Variants in SEC23IP observed in about 807,000 individuals in gnomAD.
SEC23IP encodes SEC23-interacting protein.
In SEC23IP, 70 loss-of-function variants were observed where a neutral mutation model predicts 113.4. The observed-to-expected ratio is 0.62, with a 90% CI of 0.51 to 0.75. The LOEUF is 0.75. Among genes scored for constraint, SEC23IP ranks in the 30% least tolerant of loss-of-function variants. SEC23IP has a pLI of 0.00. For missense variants in SEC23IP, 1,160 were observed against 1,204.9 expected (o/e 0.96, Z 0.55); for synonymous variants, 398 against 421.0 (o/e 0.95, Z 0.67).
In SEC23IP at chr10:119,942,465, C is replaced by T. The variant is rs1212249360; in HGVS notation, c.*1900C>T. The T allele has an allele frequency of 6.6e-6, 1 of 152,068 alleles. No homozygotes were observed. Among genetic ancestry groups the T allele is most frequent in the African/African-American group, 2.4e-5 (1 of 41,380 alleles). 9.4% of individuals were successfully genotyped at this position (152,068 alleles called of 1,614,324 possible). A position where few individuals can be genotyped will look rare whatever the true frequency, so the allele number is the denominator to read the frequency against. On this transcript the variant is annotated 3_prime_UTR_variant, in exon 19 of 19. Coordinates refer to ENST00000369075, the MANE Select transcript of SEC23IP (RefSeq NM_007190.4). ...ACATATTGTTCACTGTTGTAACCACCTTGCAGGATTTCAGTCTATAAACTA... is the reference window on the plus strand; with the variant it reads ...ACATATTGTTCACTGTTGTAACCACTTTGCAGGATTTCAGTCTATAAACTA...
chr10:119,893,096 G>A, intron 1 of SEC23IP, 151 bp downstream of exon 1: 1 of 813,618 alleles, frequency 1.2e-6, no homozygotes, highest in Non-Finnish European at 1.9e-6. Context: ...TGGGTCGGGG[G>A]CTTTGGGATC....
Position 119,938,699 on chromosome 10 carries a change from A to G in SEC23IP, c.*21-1887A>G, listed in dbSNP as rs574631709. Among the ~76,000 whole-genome samples, 301 of 152,316 alleles carry G rather than the reference A, an allele frequency of 2.0e-3. 2 individuals are homozygous for G. Among genetic ancestry groups the G allele is most frequent in the Non-Finnish European group, 3.7e-3 (251 of 68,028 alleles). On this transcript the variant is annotated intron_variant, in intron 18 of 18. Transcript: ENST00000369075. Reference sequence around the variant, plus strand: ...AAGTTCCCCTGACGCTCTCTCCCCTAACAAAACAAAGCAAGACAAACAAAA... The same window carrying G: ...AAGTTCCCCTGACGCTCTCTCCCCTGACAAAACAAAGCAAGACAAACAAAA...
chr10:119,904,916 T>C (rs1854612867), intron 4 of SEC23IP, among the ~76,000 whole-genome samples: 1 of 152,154 alleles, frequency 6.6e-6, no homozygotes, highest in African/African-American at 2.4e-5. Context: ...GCAGATCACT[T>C]GAGGCCAGGA....
rs752826022 is a variant in SEC23IP at position 119,909,084 on chromosome 10, G to A, written c.1145G>A (p.Arg382Lys). 22 of 1,613,404 alleles carry A rather than the reference G, an allele frequency of 1.4e-5. No homozygotes were observed. Among genetic ancestry groups the A allele is most frequent in the Non-Finnish European group, 1.8e-5 (21 of 1,179,728 alleles). Residue 382 changes from arginine to lysine, a missense_variant, in exon 5 of 19, where the codon AGA becomes AAA. By Grantham distance (26) the Arg-to-Lys change is conservative. Coordinates refer to ENST00000369075, the MANE Select transcript of SEC23IP (RefSeq NM_007190.4). ...GTAACCACTAATCAGTGGCACCGAA[G>A]ATTAGAGTTTCCAAGTGGAGAGACA... Reference protein sequence around the residue: ...KAVTTNQWHRRLEFPSGETIV... With the variant: ...KAVTTNQWHRKLEFPSGETIV...
Position 119,920,888 on chromosome 10 carries a change from G to T in SEC23IP, c.2026-1G>T. ...ATGTGCTTGTCTGTTTCCTTTTAAAGCTTATGTGTACAGTTGATGACCTGA... is the reference window on the plus strand; with the variant it reads ...ATGTGCTTGTCTGTTTCCTTTTAAATCTTATGTGTACAGTTGATGACCTGA... On this transcript the variant is annotated splice_acceptor_variant, in intron 11 of 18. Transcript: ENST00000369075. LOFTEE classifies it high-confidence loss of function. The T allele has an allele frequency of 6.3e-7, 1 of 1,596,252 alleles. No individual in the cohort carries two copies. The highest frequency in any genetic ancestry group is 2.2e-5 in the East Asian group (1 of 44,764).
At chr10:119,908,768 A>G (rs1854763100) in intron 4 of SEC23IP, among the ~76,000 whole-genome samples, 1 of 152,132 alleles carries the variant, frequency 6.6e-6, no homozygotes. Context: ...TCTGTTTGTG[A>G]TACTTTGTTA....
At position 119,902,806 on chromosome 10, in the gene SEC23IP, C is replaced by T; in HGVS notation, c.704C>T (p.Ser235Phe). 2 of 1,613,910 alleles carry T rather than the reference C, an allele frequency of 1.2e-6. No individual in the cohort carries two copies. Among genetic ancestry groups the T allele is most frequent in the South Asian group, 2.2e-5 (2 of 91,040 alleles). ...CTTTGCCGTCCCCTCCAGGTTCCTT[C>T]TTCAGTGCAGTCACCGGCACAGCAG... ...MPPGSLPPVP[S>F]SVQSPAQQQV... The change falls in exon 3 of 19, where the codon TCT becomes TTT. Residue 235 changes from serine to phenylalanine, a missense_variant. Ser to Phe is a radical substitution (Grantham distance 155). Transcript: ENST00000369075.
At chr10:119,924,232 A>G (rs1855345106) in intron 12 of SEC23IP, among the ~76,000 whole-genome samples, 1 of 152,102 alleles carries the variant, frequency 6.6e-6, no homozygotes, top group Non-Finnish European at 1.5e-5. Context: ...TAATAAGATC[A>G]TTTTGGCCAG....
intron 1 of SEC23IP, among the ~76,000 whole-genome samples, chr10:119,897,995 A>T (rs1261059414): frequency 6.7e-6 from 1 of 148,294 alleles, no homozygotes; most frequent in Non-Finnish European, 1.5e-5. Context: ...ACAGAGCGAG[A>T]CGCCGTCTCA....
At chr10:119,913,496 CTT>C (rs558792370) in intron 6 of SEC23IP, among the ~76,000 whole-genome samples, 11 of 144,254 alleles carry the variant, frequency 7.6e-5, no homozygotes, top group Admixed American at 7.0e-5. Context: ...TTCCATAAAG[CTT>C]TTTTTTTTTT....
chr10:119,940,086 G>A (rs1056929921), intron 18 of SEC23IP, among the ~76,000 whole-genome samples: 2 of 152,072 alleles, frequency 1.3e-5, no homozygotes, highest in Non-Finnish European at 1.5e-5. Flanking sequence ...TGTTTCCTGG[G>A]CATTCTTGTC....
intron 2 of SEC23IP, among the ~76,000 whole-genome samples, chr10:119,901,189 T>C (rs1454644515): frequency 6.6e-6 from 1 of 151,952 alleles, no homozygotes; most frequent in Non-Finnish European, 1.5e-5. Flanking sequence ...TAGATTTTTT[T>C]GTAGAAACGG....
At chr10:119,940,187 A>AT (rs11289281) in intron 18 of SEC23IP, among the ~76,000 whole-genome samples, 25,932 of 128,130 alleles carry the variant, frequency 0.2, 2,882 homozygotes, top group Non-Finnish European at 0.25. Context: ...TGGATTGTCC[A>AT]TTTTTTTTTT....
intron 16 of SEC23IP, 47 bp downstream of exon 16, chr10:119,932,365 A>G: frequency 7.2e-7 from 1 of 1,397,932 alleles, no homozygotes; most frequent in Non-Finnish European, 1.0e-6. Context: ...GTTTCATATG[A>G]ACATAATACT....
At chr10:119,911,571 G>A (rs1281589288) in intron 5 of SEC23IP, among the ~76,000 whole-genome samples, 4 of 152,040 alleles carry the variant, frequency 2.6e-5, no homozygotes, top group African/African-American at 9.7e-5. Context: ...GACCTCTTGG[G>A]CTCAAGCAAT....
In SEC23IP at chr10:119,943,819, G is replaced by A. The variant is rs193044720; in HGVS notation, c.*3254G>A. Reference sequence around the variant, plus strand: ...CACATAAAACAGGCCAGGGGTTATTGAGGACACATCTGTGAGATAGTGGGC... The same window carrying A: ...CACATAAAACAGGCCAGGGGTTATTAAGGACACATCTGTGAGATAGTGGGC... On this transcript the variant is annotated 3_prime_UTR_variant, in exon 19 of 19. Coordinates refer to ENST00000369075, the MANE Select transcript of SEC23IP (RefSeq NM_007190.4). 1.3e-5 allele frequency: 2 copies of A among 152,276 alleles called. No homozygotes were observed. The highest frequency in any genetic ancestry group is 3.9e-4 in the East Asian group (2 of 5,176). 9.4% of individuals were successfully genotyped at this position (152,276 alleles called of 1,614,324 possible). A position where few individuals can be genotyped will look rare whatever the true frequency, so the allele number is the denominator to read the frequency against.
At chr10:119,905,332 T>A (rs1432954813) in intron 4 of SEC23IP, among the ~76,000 whole-genome samples, 3 of 152,154 alleles carry the variant, frequency 2.0e-5, no homozygotes, top group Non-Finnish European at 2.9e-5. Flanking sequence ...AATGTTTAGT[T>A]TTACTATTTT....
Position 119,919,429 on chromosome 10 carries a change from C to CTT in SEC23IP, c.1873-6_1873-5dup. ...TTCTGAGCTTGTAATGTTTTTCATACTTTTTTTTTTAAAGATGCCTGAAGA... is the reference window on the plus strand; with the variant it reads ...TTCTGAGCTTGTAATGTTTTTCATACTTTTTTTTTTTTAAAGATGCCTGAAGA... On this transcript the variant is annotated splice_polypyrimidine_tract_variant and intron_variant, in intron 10 of 18. Transcript: ENST00000369075. The CTT allele has an allele frequency of 2.8e-6, 4 of 1,422,028 alleles. No homozygotes were observed. Among genetic ancestry groups the CTT allele is most frequent in the Admixed American group, 2.1e-5 (1 of 46,660 alleles). The allele number at this position is 1,422,028 out of a possible 1,614,324, so 88.1% of individuals were successfully genotyped here.
At chr10:119,927,665 C>T (rs546953818) in intron 13 of SEC23IP, among the ~76,000 whole-genome samples, 1 of 152,240 alleles carries the variant, frequency 6.6e-6, no homozygotes, top group East Asian at 1.9e-4. Flanking sequence ...TTTTTAAATA[C>T]CCTATTTCCA....
Sources: gnomAD v4.1 joint callset for allele counts (sites outside exome capture counted in the v4.1 genomes callset) on GRCh38, gnomAD v4.1.1 for gene constraint, MANE v1.5 for transcripts, NCBI Gene and HGNC (gene_info 2026-07-23, HGNC 2026-07-21) for gene names.